GKAP1: variants seen among roughly 807,000 people sequenced by gnomAD.
GKAP1 encodes G kinase-anchoring protein 1.
A neutral mutation model predicts 56.7 loss-of-function variants in GKAP1; 31 were observed. The observed-to-expected ratio is 0.55, with a 90% CI of 0.41 to 0.74. The LOEUF is 0.74. Among genes scored for constraint, GKAP1 ranks in the 30% least tolerant of loss-of-function variants. GKAP1 has a pLI of 0.00. For synonymous variants in GKAP1, 151 were observed against 138.6 expected (o/e 1.09, Z -0.63); for missense variants, 364 against 402.3 (o/e 0.90, Z 0.82).
chr9:83,772,758 C>T (rs1448464578), intron 7 of GKAP1, among the ~76,000 whole-genome samples: 1 of 151,856 alleles, frequency 6.6e-6, no homozygotes, highest in African/African-American at 2.4e-5. Context: ...AGAAAATACA[C>T]AAAAATGAGC....
intron 7 of GKAP1, among the ~76,000 whole-genome samples, chr9:83,776,675 T>C (rs1587714503): frequency 6.6e-6 from 1 of 152,124 alleles, no homozygotes; most frequent in Non-Finnish European, 1.5e-5. Flanking sequence ...CGAGACTCCA[T>C]CTCAGAAAGA....
At position 83,787,634 on chromosome 9, in the gene GKAP1, A is replaced by C. The variant is rs181910404; in HGVS notation, c.438+967T>G. On this transcript the variant is annotated intron_variant, in intron 5 of 12. Coordinates refer to ENST00000376371, the MANE Select transcript of GKAP1 (RefSeq NM_025211.4). ...CAACCACTGAGTAATCACAGCTTGA[A>C]CAAATGTTATAAACCAAAAAAGGAT... Among the ~76,000 whole-genome samples the C allele has an allele frequency of 2.1e-3, 322 of 152,368 alleles. 4 individuals carry two copies. The highest frequency in any genetic ancestry group is 0.018 in the Admixed American group (269 of 15,306).
intron 9 of GKAP1, among the ~76,000 whole-genome samples, chr9:83,751,343 C>T (rs575893007): frequency 6.6e-6 from 1 of 152,280 alleles, no homozygotes; most frequent in South Asian, 2.1e-4. Flanking sequence ...AGCAGCAACT[C>T]ATTCATTCCT....
At chr9:83,803,812 G>A (rs1009400096) in intron 3 of GKAP1, among the ~76,000 whole-genome samples, 8 of 151,178 alleles carry the variant, frequency 5.3e-5, no homozygotes, top group African/African-American at 1.9e-4. Context: ...AGTGAGGAGC[G>A]CCTCTTCCCG....
intron 3 of GKAP1, among the ~76,000 whole-genome samples, chr9:83,802,246 C>T (rs1003175388): frequency 3.3e-5 from 5 of 152,098 alleles, no homozygotes; most frequent in South Asian, 4.2e-4. Flanking sequence ...TTTGGGAGGC[C>T]GAGGCAGGCG....
At chr9:83,803,161 T>C (rs1465323992) in intron 3 of GKAP1, among the ~76,000 whole-genome samples, 13 of 151,930 alleles carry the variant, frequency 8.6e-5, no homozygotes. Context: ...CAGTAAAAAA[T>C]AGGAAACAAC....
intron 8 of GKAP1, among the ~76,000 whole-genome samples, chr9:83,768,216 C>T (rs1005993397): frequency 1.3e-5 from 2 of 152,142 alleles, no homozygotes; most frequent in African/African-American, 4.8e-5. Context: ...TTCTTAGTTG[C>T]AGAATTTTTC....
In GKAP1 at chr9:83,779,525, G is replaced by GTGTATATATATACACA. The variant is rs1564201716; in HGVS notation, c.585+856_585+857insTGTGTATATATATACA. On this transcript the variant is annotated intron_variant, in intron 7 of 12. Transcript: ENST00000376371. The stretch of plus-strand genomic sequence containing the variant: ...CACATATATGTGTATATATATACAC[G>GTGTATATATATACACA]TGTATATGTGTATATATATACACGT... Among the ~76,000 whole-genome samples the GTGTATATATATACACA allele has an allele frequency of 2.1e-4, 23 of 109,284 alleles. 1 individual carries two copies. The highest frequency in any genetic ancestry group is 7.1e-4 in the Admixed American group (8 of 11,288). 71.7% of individuals were successfully genotyped at this position (109,284 alleles called of 152,430 possible).
At chr9:83,765,239 A>G (rs369281865) in intron 8 of GKAP1, among the ~76,000 whole-genome samples, 3 of 152,202 alleles carry the variant, frequency 2.0e-5, no homozygotes, top group East Asian at 3.9e-4. Flanking sequence ...CAGCTTCTAC[A>G]TGATGTTGGT....
At chr9:83,745,329 G>T (rs1225624306) in intron 10 of GKAP1, among the ~76,000 whole-genome samples, 11 of 152,168 alleles carry the variant, frequency 7.2e-5, no homozygotes. Context: ...ACTGTGCCTG[G>T]CCATCTTGTG....
intron 8 of GKAP1, among the ~76,000 whole-genome samples, chr9:83,756,305 T>C (rs996357866): frequency 6.6e-6 from 1 of 151,440 alleles, no homozygotes; most frequent in Non-Finnish European, 1.5e-5. Flanking sequence ...GGTGATTCTC[T>C]ACTAAAAATA....
At chr9:83,783,991 G>GGGATTGGTTATAAAAGGGCAAATT (rs1228524618) in intron 6 of GKAP1, among the ~76,000 whole-genome samples, 2 of 152,050 alleles carry the variant, frequency 1.3e-5, no homozygotes, top group East Asian at 1.9e-4. Context: ...GCTACCAGGT[G>GGGATTGGTTATAAAAGGGCAAATT]TGGTGGCTCA....
intron 2 of GKAP1, among the ~76,000 whole-genome samples, chr9:83,813,837 C>G (rs538966407): frequency 6.6e-6 from 1 of 152,290 alleles, no homozygotes; most frequent in African/African-American, 2.4e-5. Context: ...TGGTGGTTCA[C>G]ACCTGTAATC....
At chr9:83,797,227 CT>C (rs1226660690) in intron 4 of GKAP1, among the ~76,000 whole-genome samples, 1 of 152,172 alleles carries the variant, frequency 6.6e-6, no homozygotes, top group Non-Finnish European at 1.5e-5. Context: ...CATAATTTCT[CT>C]TTCGTGTTTG....
chr9:83,765,264 G>C (rs187157470), intron 8 of GKAP1, among the ~76,000 whole-genome samples: 1 of 152,332 alleles, frequency 6.6e-6, no homozygotes, highest in East Asian at 1.9e-4. Context: ...TGGGTGCACA[G>C]AAGAGAAGGA....
intron 2 of GKAP1, among the ~76,000 whole-genome samples, 171 bp downstream of exon 2, chr9:83,816,825 T>C (rs1237691427): frequency 6.6e-6 from 1 of 152,210 alleles, no homozygotes; most frequent in African/African-American, 2.4e-5. Context: ...TCAGCCAATT[T>C]GATAAACTAT....
chr9:83,800,367 C>T (rs1338511550), intron 3 of GKAP1, among the ~76,000 whole-genome samples: 4 of 143,980 alleles, frequency 2.8e-5, no homozygotes, highest in East Asian at 2.0e-4. Context: ...GGCAGAGTCT[C>T]GCTCTGTCGC....
At chr9:83,796,634 A>G (rs992034037) in intron 4 of GKAP1, among the ~76,000 whole-genome samples, 1 of 151,788 alleles carries the variant, frequency 6.6e-6, no homozygotes, top group Non-Finnish European at 1.5e-5. Context: ...CGCCTGGCTA[A>G]TTTTGTATTT....
chr9:83,816,097 G>A (rs1342377332), intron 2 of GKAP1, among the ~76,000 whole-genome samples: 1 of 151,150 alleles, frequency 6.6e-6, no homozygotes, highest in African/African-American at 2.4e-5. Context: ...GCTGAGGCAG[G>A]AGAGCTGCTT....
Sources: allele counts gnomAD v4.1 joint callset (sites outside exome capture counted in the v4.1 genomes callset), GRCh38; gene constraint gnomAD v4.1.1; transcripts MANE v1.5; gene names NCBI Gene and HGNC (gene_info 2026-07-23, HGNC 2026-07-21).